RNF17: variants seen among roughly 807,000 people sequenced by gnomAD.
The protein encoded by RNF17 is ring finger protein 17, also known as spermatogenesis associated 23.
RNF17 carries 31 observed loss-of-function variants against 200.5 expected under a neutral mutation model. That is an observed-to-expected ratio of 0.15 (90% confidence interval 0.12 to 0.21). The LOEUF (loss-of-function observed/expected upper bound fraction) is 0.21, where lower values mean the gene tolerates loss of function less well. Ranked by LOEUF, RNF17 falls within the 10% of genes least tolerant of loss-of-function variation. RNF17 has a pLI of 1.00. For synonymous variants in RNF17, 606 were observed against 637.8 expected (o/e 0.95, Z 0.75); for missense variants, 1,628 against 1,905.1 (o/e 0.85, Z 2.71).
At chr13:24,818,676 G>C (rs577560284) in intron 15 of RNF17, among the ~76,000 whole-genome samples, 1 of 151,968 alleles carries the variant, frequency 6.6e-6, no homozygotes, top group East Asian at 1.9e-4. Context: ...AGTCTGTTTT[G>C]CCTGATACCA....
At chr13:24,854,955 C>T (rs1428140315) in intron 25 of RNF17, among the ~76,000 whole-genome samples, 1 of 152,162 alleles carries the variant, frequency 6.6e-6, no homozygotes, top group Non-Finnish European at 1.5e-5. Flanking sequence ...GATCACGTCT[C>T]CTGTTTTGCC....
rs141654694 is a variant in RNF17, at chr13:24,793,117, C to T, written c.1011C>T (p.Tyr337=). The change falls in exon 10 of 36, where the codon TAC becomes TAT. Residue 337 remains tyrosine, a synonymous_variant. Transcript: ENST00000255324. The stretch of plus-strand genomic sequence containing the variant: ...ATAACAAAAAGGAACTTTCTTGTTA[C>T]GATACATACCCACCGCTAGAAAAGA... ...KYNNKKELSC[Y]DTYPPLEKKK... The T allele has an allele frequency of 2.4e-5, 38 of 1,610,676 alleles. 1 individual carries two copies. Among genetic ancestry groups the T allele is most frequent in the Admixed American group, 1.0e-4 (6 of 59,358 alleles).
At chr13:24,780,353 C>T (rs1882179884) in intron 5 of RNF17, among the ~76,000 whole-genome samples, 1 of 152,142 alleles carries the variant, frequency 6.6e-6, no homozygotes, top group Admixed American at 6.5e-5. Context: ...AATAATGTCA[C>T]CTGTGATAAG....
chr13:24,748,637 A>T, the RNF17 span, among the ~76,000 whole-genome samples: 6 of 152,252 alleles, frequency 3.9e-5, no homozygotes, highest in Non-Finnish European at 7.3e-5. Flanking sequence ...GAGATACAGG[A>T]TAAAACATAT....
At chr13:24,877,234 G>A (rs752381444) in intron 34 of RNF17, 48 bp downstream of exon 34, 8 of 1,498,786 alleles carry the variant, frequency 5.3e-6, no homozygotes, top group South Asian at 3.5e-5. Context: ...TTTCTGTGTC[G>A]ATACTTTGTA....
chr13:24,854,226 C>A, intron 25 of RNF17, 82 bp downstream of exon 25: 1 of 1,064,966 alleles, frequency 9.4e-7, no homozygotes, highest in Non-Finnish European at 1.4e-6. Flanking sequence ...CCTCTTTGAA[C>A]GTTATTTTCA....
rs368050631 is a variant in RNF17, at chr13:24,844,906, A to C, written c.2983-55A>C. The C allele has an allele frequency of 2.2e-4, 338 of 1,561,620 alleles. 1 individual carries two copies. In the African/African-American group the frequency reaches 4.1e-3, roughly 19 times the overall value. On this transcript the variant is annotated intron_variant, in intron 21 of 35. Transcript: ENST00000255324. ...TTTCATTGAGTTTTTCAGTTTGCCAAAAAAATATTTCGAAATGTTGTTTGT... is the reference window on the plus strand; with the variant it reads ...TTTCATTGAGTTTTTCAGTTTGCCACAAAAATATTTCGAAATGTTGTTTGT...
intron 5 of RNF17, among the ~76,000 whole-genome samples, chr13:24,781,402 C>A (rs1190967491): frequency 6.6e-6 from 1 of 151,866 alleles, no homozygotes; most frequent in Non-Finnish European, 1.5e-5. Context: ...GAGGCCAAGG[C>A]AGGAGGATCA....
At chr13:24,756,803 T>C in the RNF17 span, among the ~76,000 whole-genome samples, 1 of 152,210 alleles carries the variant, frequency 6.6e-6, no homozygotes, top group Non-Finnish European at 1.5e-5. Flanking sequence ...TTCCCCCATA[T>C]GTAACACTGT....
At chr13:24,771,842 T>G (rs1728413077) in intron 2 of RNF17, among the ~76,000 whole-genome samples, 2 of 152,094 alleles carry the variant, frequency 1.3e-5, no homozygotes, top group South Asian at 4.2e-4. Flanking sequence ...CAATCTCTAC[T>G]AAAAATACCA....
intron 18 of RNF17, among the ~76,000 whole-genome samples, chr13:24,835,026 G>A (rs774589490): frequency 6.6e-6 from 1 of 152,150 alleles, no homozygotes; most frequent in Non-Finnish European, 1.5e-5. Flanking sequence ...TTGCGTGGGC[G>A]CTGGGTGAGG....
rs1593322465 is a variant in RNF17 at position 24,814,190 on chromosome 13, A to T, written c.2091+9761A>T. ...ACAAGTCTTCATGCCCATCACCTTC[A>T]TGTTGAATAGGCTGAGGAAGAGCAG... On this transcript the variant is annotated intron_variant, in intron 15 of 35. Coordinates refer to ENST00000255324, the MANE Select transcript of RNF17 (RefSeq NM_031277.3). Among the ~76,000 whole-genome samples, 3 of 152,268 alleles carry T rather than the reference A, an allele frequency of 2.0e-5. No individual in the cohort carries two copies. The South Asian group carries it at 6.2e-4, about 32-fold the overall frequency.
rs188797423 is a variant in RNF17 at position 24,779,574 on chromosome 13, C to T, written c.430-93C>T. 1.2e-5 allele frequency: 11 copies of T among 910,870 alleles called. No individual in the cohort carries two copies. In the Admixed American group the frequency reaches 1.5e-4, roughly 13 times the overall value. The allele number at this position is 910,870 out of a possible 1,614,324, so 56.4% of individuals were successfully genotyped here. A position where few individuals can be genotyped will look rare whatever the true frequency, so the allele number is the denominator to read the frequency against. ...GTCTATGTTGCTTTTGTAACCAAAA[C>T]GGTAGCCTGAATTTTTTGCAACTAT... On this transcript the variant is annotated intron_variant, in intron 4 of 35. Transcript: ENST00000255324.
upstream of RNF17, among the ~76,000 whole-genome samples, chr13:24,763,337 G>C (rs1026722116): frequency 2.7e-5 from 4 of 149,408 alleles, no homozygotes; most frequent in African/African-American, 4.9e-5. Context: ...CAAGTAGCTG[G>C]AACTACAGGC....
chr13:24,885,367 G>A, the RNF17 span: 1 of 1,613,548 alleles, frequency 6.2e-7, no homozygotes, highest in Non-Finnish European at 8.5e-7. Flanking sequence ...TGGTTCAAGT[G>A]GCTCCCTGGG....
chr13:24,775,451 G>T (rs1328822851), intron 3 of RNF17, among the ~76,000 whole-genome samples: 1 of 152,038 alleles, frequency 6.6e-6, no homozygotes, highest in Non-Finnish European at 1.5e-5. Flanking sequence ...GAGTCTCATT[G>T]TGTTGCCCAA....
chr13:24,842,275 CT>C, intron 19 of RNF17, 114 bp downstream of exon 19: 1 of 879,760 alleles, frequency 1.1e-6, no homozygotes, highest in Non-Finnish European at 1.6e-6. Flanking sequence ...GACTGTAGAC[CT>C]GAGAATTTTC....
downstream of RNF17, among the ~76,000 whole-genome samples, chr13:24,884,715 T>G (rs7995027): frequency 0.99 from 150,871 of 152,334 alleles, 74,728 homozygotes; most frequent in Middle Eastern, 1. Context: ...TAAAGTAGAC[T>G]TTGTACAGGA....
chr13:24,781,733 C>G (rs539920281), intron 5 of RNF17, 111 bp from the exon 6 acceptor site: 1 of 663,176 alleles, frequency 1.5e-6, no homozygotes, highest in South Asian at 2.0e-5. Context: ...CTCTTTACCT[C>G]TTGTGTTATT....
Sources: gnomAD v4.1 joint callset for allele counts (sites outside exome capture counted in the v4.1 genomes callset) on GRCh38, gnomAD v4.1.1 for gene constraint, MANE v1.5 for transcripts, NCBI Gene and HGNC (gene_info 2026-07-23, HGNC 2026-07-21) for gene names.